RCAN2: variants seen among roughly 807,000 people sequenced by gnomAD.
RCAN2 encodes the protein calcipressin-2.
In RCAN2, 9 loss-of-function variants were observed where a neutral mutation model predicts 23.6. The ratio of observed to expected loss-of-function variants is 0.38; its 90% CI spans 0.23 to 0.67. The LOEUF (loss-of-function observed/expected upper bound fraction) is 0.67. Ranked by LOEUF, RCAN2 falls within the 30% of genes least tolerant of loss-of-function variation. The probability of loss-of-function intolerance (pLI) is 0.51; values close to 1 mark genes in which losing one functional copy is unlikely to be tolerated. For missense variants in RCAN2, 273 were observed against 302.3 expected, an observed-to-expected ratio of 0.90 and a Z score of 0.72; for synonymous variants, 109 against 115.7, an observed-to-expected ratio of 0.94 and a Z score of 0.37.
At chr6:46,256,351 C>T (rs1256565727) in intron 2 of RCAN2, among the ~76,000 whole-genome samples, 1 of 150,572 alleles carries the variant, frequency 6.6e-6, no homozygotes, top group East Asian at 1.9e-4. Context: ...GCCTGGGTGA[C>T]AGAGCGAGAT....
chr6:46,351,671 G>A (rs1367442362), intron 2 of RCAN2, among the ~76,000 whole-genome samples: 1 of 112,606 alleles, frequency 8.9e-6, no homozygotes, highest in African/African-American at 2.9e-5. Flanking sequence ...TGATTCAATG[G>A]ATCCAGATAA....
At chr6:46,227,734 G>A (rs1765723337) in intron 4 of RCAN2, among the ~76,000 whole-genome samples, 1 of 151,510 alleles carries the variant, frequency 6.6e-6, no homozygotes, top group Non-Finnish European at 1.5e-5. Flanking sequence ...CAAAAAACCA[G>A]ATCCCGGATT....
At chr6:46,346,268 T>TTTG (rs1764478384) in intron 2 of RCAN2, among the ~76,000 whole-genome samples, 1 of 152,118 alleles carries the variant, frequency 6.6e-6, no homozygotes, top group Non-Finnish European at 1.5e-5. Flanking sequence ...CAAATCTCTA[T>TTTG]AGTGAAAAGG....
At chr6:46,302,874 G>T (rs1328907378) in intron 2 of RCAN2, among the ~76,000 whole-genome samples, 1 of 151,970 alleles carries the variant, frequency 6.6e-6, no homozygotes, top group East Asian at 1.9e-4. Context: ...TGATAAAATT[G>T]AGGCTCAGGG....
chr6:46,306,978 T>A (rs1763092653), intron 2 of RCAN2, among the ~76,000 whole-genome samples: 1 of 152,140 alleles, frequency 6.6e-6, no homozygotes, highest in Admixed American at 6.5e-5. Context: ...AGCCTATATC[T>A]AGAACAGAGC....
chr6:46,461,985 C>T (rs1768229848), intron 1 of RCAN2, among the ~76,000 whole-genome samples: 2 of 152,208 alleles, frequency 1.3e-5, no homozygotes, highest in South Asian at 4.1e-4. Flanking sequence ...CTGCCAATAA[C>T]ATGTGAATGA....
chr6:46,272,168 G>C (rs1767540236), intron 2 of RCAN2, among the ~76,000 whole-genome samples: 1 of 152,194 alleles, frequency 6.6e-6, no homozygotes, highest in Non-Finnish European at 1.5e-5. Flanking sequence ...TGCTTGCACA[G>C]TTCTGTCCAT....
intron 4 of RCAN2, among the ~76,000 whole-genome samples, chr6:46,238,146 G>GT (rs1582016684): frequency 6.6e-6 from 1 of 152,140 alleles, no homozygotes; most frequent in Non-Finnish European, 1.5e-5. Context: ...TCTTCCCCTA[G>GT]TTTTCTAAAG....
chr6:46,301,075 T>C (rs956736276), intron 2 of RCAN2, among the ~76,000 whole-genome samples: 1 of 152,006 alleles, frequency 6.6e-6, no homozygotes, highest in Non-Finnish European at 1.5e-5. Context: ...ATCTGGGCCA[T>C]ATTTCTTTCT....
At chr6:46,338,386 A>C (rs749873774) in intron 2 of RCAN2, among the ~76,000 whole-genome samples, 1 of 152,144 alleles carries the variant, frequency 6.6e-6, no homozygotes, top group Non-Finnish European at 1.5e-5. Context: ...TCTAGAGTCA[A>C]AAGTTCGGGT....
At chr6:46,422,690 A>T (rs1766917110) in intron 2 of RCAN2, among the ~76,000 whole-genome samples, 1 of 152,192 alleles carries the variant, frequency 6.6e-6, no homozygotes, top group African/African-American at 2.4e-5. Flanking sequence ...AAATGTAGTT[A>T]ATTTAGTGAA....
intron 2 of RCAN2, among the ~76,000 whole-genome samples, chr6:46,397,945 C>A (rs74424005): frequency 1.4e-4 from 22 of 152,048 alleles, no homozygotes; most frequent in African/African-American, 4.3e-4. Context: ...TATTTAAGTG[C>A]GCTAACAATA....
chr6:46,232,330 C>T (rs1177991118), intron 4 of RCAN2, among the ~76,000 whole-genome samples: 5 of 152,294 alleles, frequency 3.3e-5, no homozygotes, highest in African/African-American at 7.2e-5. Flanking sequence ...TCCATGTCCC[C>T]GGGTAAACAG....
chr6:46,414,748 A>G (rs1766654476), intron 2 of RCAN2, among the ~76,000 whole-genome samples: 1 of 152,348 alleles, frequency 6.6e-6, no homozygotes, highest in Non-Finnish European at 1.5e-5. Flanking sequence ...TGCAGATTTC[A>G]GGCTTACCAG....
At chr6:46,356,355 C>T (rs1764831274) in intron 2 of RCAN2, among the ~76,000 whole-genome samples, 1 of 152,146 alleles carries the variant, frequency 6.6e-6, no homozygotes, top group Non-Finnish European at 1.5e-5. Flanking sequence ...CTGTGCCCTC[C>T]CTCAAGCCCA....
chr6:46,292,657 A>C (rs1189931906), intron 2 of RCAN2, among the ~76,000 whole-genome samples: 1 of 152,088 alleles, frequency 6.6e-6, no homozygotes, highest in Non-Finnish European at 1.5e-5. Context: ...CTTGTCAAGT[A>C]AACTTTTAGA....
At chr6:46,382,641 ATAATT>A (rs1183911648) in intron 2 of RCAN2, among the ~76,000 whole-genome samples, 1 of 152,242 alleles carries the variant, frequency 6.6e-6, no homozygotes, top group Non-Finnish European at 1.5e-5. Flanking sequence ...GCTCCAATGC[ATAATT>A]TAATTTAAAT....
At chr6:46,369,481 C>G (rs973690671) in intron 2 of RCAN2, among the ~76,000 whole-genome samples, 2 of 152,138 alleles carry the variant, frequency 1.3e-5, no homozygotes, top group African/African-American at 4.8e-5. Flanking sequence ...TCACCACAAA[C>G]GTGAGTAATA....
chr6:46,450,525 C>T (rs1445872460), intron 2 of RCAN2, among the ~76,000 whole-genome samples: 2 of 151,806 alleles, frequency 1.3e-5, no homozygotes, highest in East Asian at 3.9e-4. Context: ...TTATAATTGC[C>T]AAGATATGGA....
Sources: allele counts gnomAD v4.1 joint callset (sites outside exome capture counted in the v4.1 genomes callset), GRCh38; gene constraint gnomAD v4.1.1; transcripts MANE v1.5; gene names NCBI Gene and HGNC (gene_info 2026-07-23, HGNC 2026-07-21).